OTUD7A: variants seen among roughly 807,000 people sequenced by gnomAD.
OTUD7A encodes OTU domain-containing protein 7A.
OTUD7A carries 12 observed loss-of-function variants against 65.7 expected under a neutral mutation model. The ratio of observed to expected loss-of-function variants is 0.18; its 90% CI spans 0.12 to 0.30. The LOEUF (loss-of-function observed/expected upper bound fraction) is 0.30, where lower values mean the gene tolerates loss of function less well. Ranked by LOEUF, OTUD7A falls within the 10% of genes least tolerant of loss-of-function variation. The pLI is 1.00. For missense variants in OTUD7A, 1,148 were observed against 1,304.8 expected, an observed-to-expected ratio of 0.88 and a Z score of 1.85; for synonymous variants, 641 against 586.3, an observed-to-expected ratio of 1.09 and a Z score of -1.35.
At chr15:31,752,599 G>A (rs1358467807) in intron 1 of OTUD7A, among the ~76,000 whole-genome samples, 1 of 152,052 alleles carries the variant, frequency 6.6e-6, no homozygotes, top group Non-Finnish European at 1.5e-5. Flanking sequence ...AGCTTGCTGA[G>A]TTATGAAACT....
intron 3 of OTUD7A, among the ~76,000 whole-genome samples, chr15:31,592,879 C>CAAATAAAA (rs1453670641): frequency 3.5e-4 from 3 of 8,534 alleles, no homozygotes; most frequent in South Asian, 8.6e-3. Flanking sequence ...GGCTCTGTCT[C>CAAATAAAA]AAAAAAAAAA....
chr15:31,557,019 TG>T (rs1888519302), intron 5 of OTUD7A: 1 of 151,126 alleles, frequency 6.6e-6, no homozygotes, highest in African/African-American at 2.5e-5. Context: ...TCTTGATGGC[TG>T]CGAAGCAGCT....
In OTUD7A at chr15:31,483,809, C is replaced by T. The variant is rs1261980069; in HGVS notation, c.2287G>A (p.Gly763Arg). 16 of 1,005,920 alleles carry T rather than the reference C, an allele frequency of 1.6e-5. No homozygotes were observed. In the African/African-American group the frequency reaches 2.1e-4, roughly 13 times the overall value. The allele number at this position is 1,005,920 out of a possible 1,614,324, so 62.3% of individuals were successfully genotyped here. ...GGGGGGCTGCGGCCAGGCACTGGTC[C>T]GCTGGCGCTCGCACGCCGCGCGCCT... ...GGGARRASAS[G>R]PVPGRSPPAP... The change falls in exon 13 of 13, where the codon GGA (glycine) becomes AGA (arginine). Residue 763 changes from glycine (G) to arginine (R), a missense_variant. Gly to Arg is a moderately radical substitution (Grantham distance 125). Transcript: ENST00000307050.
chr15:31,794,926 G>A (rs554093700), intron 1 of OTUD7A, among the ~76,000 whole-genome samples: 8 of 152,232 alleles, frequency 5.3e-5, no homozygotes, highest in African/African-American at 1.9e-4. Context: ...TAAAATAACA[G>A]GTCATTTCCT....
At chr15:31,770,196 G>C (rs993070110) in intron 1 of OTUD7A, among the ~76,000 whole-genome samples, 1 of 152,062 alleles carries the variant, frequency 6.6e-6, no homozygotes, top group Non-Finnish European at 1.5e-5. Flanking sequence ...TAATTCAAGA[G>C]AGTACAGAAA....
At chr15:31,798,813 G>T (rs552391896) in intron 1 of OTUD7A, among the ~76,000 whole-genome samples, 169 of 152,164 alleles carry the variant, frequency 1.1e-3, no homozygotes, top group African/African-American at 3.5e-3. Context: ...GCTCAGCTTG[G>T]GGGGGGGCTC....
At chr15:31,697,538 T>C (rs1435784716) in intron 1 of OTUD7A, among the ~76,000 whole-genome samples, 1 of 145,902 alleles carries the variant, frequency 6.9e-6, no homozygotes, top group African/African-American at 2.5e-5. Context: ...AAGACAAGGG[T>C]TTCAGAAGAA....
rs544861236 is a variant in OTUD7A at position 31,626,758 on chromosome 15, T to C, written c.151+28338A>G. Among the ~76,000 whole-genome samples, 3 of 152,196 alleles carry C rather than the reference T, an allele frequency of 2.0e-5. No individual in the cohort carries two copies. The South Asian group carries it at 6.2e-4, about 32-fold the overall frequency. On this transcript the variant is annotated intron_variant, in intron 3 of 12. Coordinates refer to ENST00000307050, the MANE Select transcript of OTUD7A (RefSeq NM_001382637.1). ...ACCTGGTTAATTTTTGTATTTTTAGTAAAGACAGGGTTGTACTATATTGCC... is the reference window on the plus strand; with the variant it reads ...ACCTGGTTAATTTTTGTATTTTTAGCAAAGACAGGGTTGTACTATATTGCC...
intron 10 of OTUD7A, among the ~76,000 whole-genome samples, chr15:31,492,452 G>A (rs1044821869): frequency 3.9e-5 from 6 of 152,024 alleles, no homozygotes; most frequent in Non-Finnish European, 7.4e-5. Context: ...GGTGCTGTGT[G>A]CCTGTAATCC....
At chr15:31,806,551 A>G (rs1049201874) in intron 1 of OTUD7A, among the ~76,000 whole-genome samples, 5 of 152,168 alleles carry the variant, frequency 3.3e-5, no homozygotes, top group Admixed American at 3.3e-4. Context: ...CCCCTCGTGG[A>G]GGGTCTAGTG....
intron 5 of OTUD7A, chr15:31,558,603 G>A (rs963748533): frequency 7.8e-6 from 2 of 255,364 alleles, no homozygotes; most frequent in Non-Finnish European, 1.5e-5. Flanking sequence ...CGGGTCTCCC[G>A]TTTTCTCTAA....
chr15:31,508,142 G>A (rs567455707), intron 8 of OTUD7A, among the ~76,000 whole-genome samples: 2 of 152,162 alleles, frequency 1.3e-5, no homozygotes, highest in South Asian at 2.1e-4. Flanking sequence ...AGGAAAGGAA[G>A]TAATAGAGAA....
chr15:31,532,118 T>C (rs1887643683), intron 5 of OTUD7A, among the ~76,000 whole-genome samples: 1 of 152,110 alleles, frequency 6.6e-6, no homozygotes, highest in South Asian at 2.1e-4. Flanking sequence ...ATATATACCC[T>C]TTTAAACAAA....
At position 31,608,172 on chromosome 15, in the gene OTUD7A, G is replaced by C. The variant is rs1044746410; in HGVS notation, c.152-37975C>G. ...TGAGGCAGGAGAATCGCTTGAACCC[G>C]GGAGACGGAGGTTGCAGTGAGCTGA... On this transcript the variant is annotated intron_variant, in intron 3 of 12. Transcript: ENST00000307050. 2.6e-5 allele frequency among the ~76,000 whole-genome samples: 4 copies of C among 152,216 alleles called. 1 individual carries two copies. Among genetic ancestry groups the C allele is most frequent in the African/African-American group, 2.4e-5 (1 of 41,546 alleles).
In OTUD7A at chr15:31,508,419, C is replaced by T. The variant is rs534542129; in HGVS notation, c.894-4601G>A. Among the ~76,000 whole-genome samples, 1,076 of 152,218 alleles carry T rather than the reference C, an allele frequency of 7.1e-3. 12 individuals carry two copies. Among genetic ancestry groups the T allele is most frequent in the African/African-American group, 0.025 (1,035 of 41,510 alleles). On this transcript the variant is annotated intron_variant, in intron 8 of 12. Transcript: ENST00000307050. The stretch of plus-strand genomic sequence containing the variant: ...GCTGGAGTGCAGTGGCGCCGATCTC[C>T]GCTCACTGCAAGCTCCGCCTCCTGG...
rs879072681 is a variant in OTUD7A at position 31,766,168 on chromosome 15, C to T, written c.-100+104339G>A. ...TGATCATGATCCATTAAGAAAGAAA[C>T]TAATCTTCCAGCAAGAAGCTCATCA... On this transcript the variant is annotated intron_variant, in intron 1 of 12. Coordinates refer to ENST00000307050, the MANE Select transcript of OTUD7A (RefSeq NM_001382637.1). 7.7e-5 allele frequency: 114 copies of T among 1,489,716 alleles called. 1 individual carries two copies. The South Asian group carries it at 1.2e-3, about 16-fold the overall frequency. 92.3% of individuals were successfully genotyped at this position (1,489,716 alleles called of 1,614,324 possible).
At chr15:31,680,412 A>T (rs542723969) in intron 1 of OTUD7A, among the ~76,000 whole-genome samples, 2 of 152,228 alleles carry the variant, frequency 1.3e-5, no homozygotes, top group Admixed American at 1.3e-4. Context: ...TGACTGAATC[A>T]AGCCTATTAT....
chr15:31,614,965 G>A (rs1387137761), intron 3 of OTUD7A, among the ~76,000 whole-genome samples: 1 of 152,124 alleles, frequency 6.6e-6, no homozygotes, highest in African/African-American at 2.4e-5. Flanking sequence ...GATGTATATC[G>A]TAACCTCTAT....
chr15:31,548,744 A>G (rs1389475510), intron 5 of OTUD7A, among the ~76,000 whole-genome samples: 1 of 152,162 alleles, frequency 6.6e-6, no homozygotes, highest in Non-Finnish European at 1.5e-5. Flanking sequence ...ATCCCAGATG[A>G]CCACATCCAT....
Sources: gnomAD v4.1 joint callset for allele counts (sites outside exome capture counted in the v4.1 genomes callset) on GRCh38, gnomAD v4.1.1 for gene constraint, MANE v1.5 for transcripts, NCBI Gene and HGNC (gene_info 2026-07-23, HGNC 2026-07-21) for gene names.